Variants in ZNF782 observed in about 807,000 individuals in gnomAD.
ZNF782 encodes the protein zinc finger protein 782.
In ZNF782, 12 loss-of-function variants were observed where a neutral mutation model predicts 13.0. The observed-to-expected ratio is 0.92, with a 90% confidence interval of 0.59 to 1.50. ZNF782 has a LOEUF of 1.50. ZNF782 is among the 40% of genes most tolerant of loss of function. The pLI is 0.00. For synonymous variants in ZNF782, 284 were observed against 283.0 expected (o/e 1.00, Z -0.04); for missense variants, 770 against 822.9 (o/e 0.94, Z 0.79).
the ZNF782 span, among the ~76,000 whole-genome samples, chr9:96,901,788 G>A: frequency 6.7e-6 from 1 of 150,346 alleles, no homozygotes; most frequent in South Asian, 2.1e-4. Flanking sequence ...GCTGAGGCAG[G>A]AGAATGGCTT....
Position 96,850,557 on chromosome 9 carries a change from T to C in ZNF782, c.15+1390A>G, listed in dbSNP as rs1657059034. Among the ~76,000 whole-genome samples, 1 of 152,180 alleles carries C rather than the reference T, an allele frequency of 6.6e-6. No individual in the cohort carries two copies. The highest frequency in any genetic ancestry group is 2.4e-5 in the African/African-American group (1 of 41,446). ...AAAAAACTACCTATAAGGCACAATG[T>C]ACACTACTTGTCAGACCACGGGTGA... On this transcript the variant is annotated intron_variant, in intron 3 of 5. Coordinates refer to ENST00000481138, the MANE Select transcript of ZNF782 (RefSeq NM_001001662.3). The surrounding 1 kb of genome is among the most constrained non-coding windows in gnomAD (Gnocchi z 4.3).
At chr9:96,883,103 T>C in the ZNF782 span, among the ~76,000 whole-genome samples, 2 of 151,992 alleles carry the variant, frequency 1.3e-5, no homozygotes, top group African/African-American at 2.4e-5. Flanking sequence ...ATTGCCACAT[T>C]AAAAAAAGGA....
the ZNF782 span, among the ~76,000 whole-genome samples, chr9:96,930,509 G>A: frequency 7.1e-6 from 1 of 141,394 alleles, no homozygotes; most frequent in East Asian, 2.0e-4. Context: ...GGGTGACAGA[G>A]CGAGACTCCG....
At chr9:96,880,876 G>A in the ZNF782 span, among the ~76,000 whole-genome samples, 1 of 152,054 alleles carries the variant, frequency 6.6e-6, no homozygotes, top group Non-Finnish European at 1.5e-5. Flanking sequence ...ATCTTTAAAA[G>A]TTTGGTATAA....
intron 3 of ZNF782, among the ~76,000 whole-genome samples, chr9:96,848,360 G>C (rs1385766149): frequency 6.6e-6 from 1 of 152,098 alleles, no homozygotes; most frequent in Non-Finnish European, 1.5e-5. Flanking sequence ...AATTGGAAAA[G>C]AAAAAGTCAA....
At chr9:96,855,396 T>C (rs960747146), upstream of ZNF782, among the ~76,000 whole-genome samples, 1 of 152,282 alleles carries the variant, frequency 6.6e-6, no homozygotes, top group Admixed American at 6.5e-5. Flanking sequence ...CTTTTATCCC[T>C]TGCCCCGCTG....
At chr9:96,866,313 C>T (rs921919531) in intron 1 of ZNF782, among the ~76,000 whole-genome samples, 2 of 152,200 alleles carry the variant, frequency 1.3e-5, no homozygotes, top group Non-Finnish European at 2.9e-5. Context: ...CCAGCTGCTC[C>T]TGCCATGACT....
At position 96,819,367 on chromosome 9, in the gene ZNF782, T is replaced by C; in HGVS notation, c.656A>G (p.Glu219Gly). The C allele has an allele frequency of 6.2e-7, 1 of 1,602,628 alleles. No homozygotes were observed. Among genetic ancestry groups the C allele is most frequent in the South Asian group, 1.1e-5 (1 of 88,830 alleles). ...CTTTTCAAGAAAAGCTTTTCTACTT[T>C]CATTATATTCAAAATCTTGCCCCAG... ...QTLGQDFEYNESRKAFLEKAA... is the reference protein window; with the variant it reads ...QTLGQDFEYNGSRKAFLEKAA... The change falls in exon 6 of 6, where the codon GAA (glutamate) becomes GGA (glycine). Residue 219 changes from glutamate to glycine, a missense_variant. Glu to Gly is a moderately conservative substitution (Grantham distance 98, BLOSUM62 -2). Coordinates refer to ENST00000481138, the MANE Select transcript of ZNF782 (RefSeq NM_001001662.3).
the ZNF782 span, among the ~76,000 whole-genome samples, chr9:96,927,316 G>A: frequency 1.3e-5 from 2 of 152,054 alleles, no homozygotes; most frequent in African/African-American, 4.8e-5. Flanking sequence ...CTAACTCCTG[G>A]AGAAACCAGA....
chr9:96,876,462 AG>A (rs1304947232), upstream of ZNF782, among the ~76,000 whole-genome samples: 4 of 152,202 alleles, frequency 2.6e-5, no homozygotes, highest in African/African-American at 9.7e-5. Context: ...TTCAATACAA[AG>A]GAAGAAAGAA....
chr9:96,880,426 TTCC>T (rs1350648996), upstream of ZNF782, among the ~76,000 whole-genome samples: 3 of 152,210 alleles, frequency 2.0e-5, no homozygotes, highest in African/African-American at 7.2e-5. Context: ...TAATTTGTGG[TTCC>T]TCGTTTTTTA....
At chr9:96,887,082 G>A in the ZNF782 span, among the ~76,000 whole-genome samples, 218 of 152,162 alleles carry the variant, frequency 1.4e-3, no homozygotes, top group African/African-American at 5.2e-3. Flanking sequence ...GGGAGGCCAA[G>A]ATGGGCAGAT....
At chr9:96,900,067 G>C in the ZNF782 span, among the ~76,000 whole-genome samples, 6 of 152,132 alleles carry the variant, frequency 3.9e-5, no homozygotes, top group South Asian at 1.2e-3. Context: ...CCAAAGTGCT[G>C]GGATTACAGG....
At chr9:96,906,414 A>C in the ZNF782 span, among the ~76,000 whole-genome samples, 978 of 137,456 alleles carry the variant, frequency 7.1e-3, no homozygotes, top group Middle Eastern at 0.015. Context: ...ACTGCCCCCC[A>C]CTTCCTATGC....
the ZNF782 span, among the ~76,000 whole-genome samples, chr9:96,903,397 C>T: frequency 6.6e-6 from 1 of 151,636 alleles, no homozygotes; most frequent in Non-Finnish European, 1.5e-5. Context: ...GGTAGTCTTC[C>T]ATTCACTGTA....
Position 96,833,753 on chromosome 9 carries a change from A to G in ZNF782, c.143-6572T>C, listed in dbSNP as rs555417094. ...GGAGAATTATGCTCCACTTCCTTGA[A>G]GAGGAGTAACTACATAAATTATTAG... On this transcript the variant is annotated intron_variant, in intron 4 of 5. Coordinates refer to ENST00000481138, the MANE Select transcript of ZNF782 (RefSeq NM_001001662.3). Among the ~76,000 whole-genome samples, 4 of 152,352 alleles carry G rather than the reference A, an allele frequency of 2.6e-5. No homozygotes were observed. The South Asian group carries it at 8.3e-4, about 32-fold the overall frequency.
exon 3 of ZNF782, chr9:96,860,292 T>G (rs1324704089): frequency 6.6e-6 from 1 of 152,664 alleles, no homozygotes; most frequent in Non-Finnish European, 1.5e-5. Context: ...GCAGCTGGGT[T>G]GTTGTTACAG....
At chr9:96,840,146 G>C (rs1218660956) in intron 4 of ZNF782, among the ~76,000 whole-genome samples, 1 of 152,078 alleles carries the variant, frequency 6.6e-6, no homozygotes, top group Non-Finnish European at 1.5e-5. Context: ...ACTACTTATT[G>C]CTTTAAACCC....
chr9:96,898,859 C>T, the ZNF782 span, among the ~76,000 whole-genome samples: 5 of 149,182 alleles, frequency 3.4e-5, no homozygotes, highest in Middle Eastern at 3.4e-3. Flanking sequence ...CAGGCGTGAG[C>T]CACCGCGCCT....
Sources: gnomAD v4.1 joint callset for allele counts (sites outside exome capture counted in the v4.1 genomes callset) on GRCh38, gnomAD v4.1.1 for gene constraint, Gnocchi (gnomAD v3.1) non-coding constraint, MANE v1.5 for transcripts, NCBI Gene and HGNC (gene_info 2026-07-23, HGNC 2026-07-21) for gene names.